The following RNF216 variants were observed in gnomAD, a reference collection of about 807,000 sequenced individuals.
RNF216 encodes the protein E3 ubiquitin-protein ligase RNF216.
Under a neutral mutation model 110.8 loss-of-function variants are expected in RNF216, and 72 were observed. The observed-to-expected ratio is 0.65, with a 90% confidence interval of 0.54 to 0.79. RNF216 has a LOEUF of 0.79. Among genes scored for constraint, RNF216 ranks in the 30% least tolerant of loss-of-function variants. The pLI, the probability that RNF216 is intolerant of heterozygous loss-of-function variation, is 0.00. For synonymous variants in RNF216, 495 were observed against 407.5 expected, an observed-to-expected ratio of 1.21 and a Z score of -2.59; for missense variants, 1,342 against 1,141.2, an observed-to-expected ratio of 1.18 and a Z score of -2.54.
intron 12 of RNF216, 136 bp downstream of exon 12, chr7:5,712,579 G>C: frequency 1.3e-6 from 1 of 794,328 alleles, no homozygotes; most frequent in South Asian, 1.9e-5. Flanking sequence ...TAAAATTATT[G>C]ATAATCTTAT....
intron 15 of RNF216, among the ~76,000 whole-genome samples, chr7:5,626,979 C>T (rs949548862): frequency 6.6e-6 from 1 of 152,154 alleles, no homozygotes; most frequent in African/African-American, 2.4e-5. Flanking sequence ...TCACTCTGGT[C>T]CGTTACTAAT....
intron 8 of RNF216, among the ~76,000 whole-genome samples, chr7:5,722,489 C>G (rs974462419): frequency 1.3e-5 from 2 of 151,284 alleles, no homozygotes; most frequent in African/African-American, 4.9e-5. Context: ...CCCCGGGGTT[C>G]ACGCCATTCT....
intron 15 of RNF216, among the ~76,000 whole-genome samples, chr7:5,631,144 C>A (rs1302097940): frequency 6.6e-6 from 1 of 152,172 alleles, no homozygotes; most frequent in Non-Finnish European, 1.5e-5. Context: ...AAACAAAACA[C>A]TTCTACTCAA....
chr7:5,748,617 C>T (rs1283913939), intron 3 of RNF216, among the ~76,000 whole-genome samples: 3 of 58,486 alleles, frequency 5.1e-5, no homozygotes, highest in South Asian at 5.6e-4. Flanking sequence ...TACATACACA[C>T]ACACACACAC....
chr7:5,649,525 C>T (rs984607652), intron 14 of RNF216: 3 of 149,208 alleles, frequency 2.0e-5, no homozygotes, highest in South Asian at 2.1e-4. Context: ...AGAAAAAAAA[C>T]GTTTTGACAT....
chr7:5,770,726 T>C (rs572129991), intron 1 of RNF216, among the ~76,000 whole-genome samples: 1 of 151,786 alleles, frequency 6.6e-6, no homozygotes, highest in Non-Finnish European at 1.5e-5. Context: ...TGTATTACTA[T>C]TAAGTTACAC....
At chr7:5,635,885 A>C (rs1017857504) in intron 15 of RNF216, among the ~76,000 whole-genome samples, 2 of 152,254 alleles carry the variant, frequency 1.3e-5, no homozygotes, top group Non-Finnish European at 2.9e-5. Flanking sequence ...GTACCAAATT[A>C]AACTGGCTGT....
At chr7:5,623,465 CT>C (rs34566454) in intron 16 of RNF216, among the ~76,000 whole-genome samples, 6,133 of 141,900 alleles carry the variant, frequency 0.043, 125 homozygotes, top group Middle Eastern at 0.065. Flanking sequence ...GACTCAGTTA[CT>C]TTTTTTTTTT....
chr7:5,721,742 G>C (rs936564565), intron 8 of RNF216, among the ~76,000 whole-genome samples: 1 of 152,196 alleles, frequency 6.6e-6, no homozygotes, highest in African/African-American at 2.4e-5. Context: ...GGGTGCAAAT[G>C]TGCTGTATGA....
In RNF216 at chr7:5,707,739, T is replaced by G. The variant is rs867338076; in HGVS notation, c.2061+4022A>C. Among the ~76,000 whole-genome samples the G allele has an allele frequency of 5.5e-4, 81 of 147,786 alleles. No individual in the cohort carries two copies. The Middle Eastern group carries it at 0.01, about 19-fold the overall frequency. On this transcript the variant is annotated intron_variant, in intron 13 of 16. Coordinates refer to ENST00000389902, the MANE Select transcript of RNF216 (RefSeq NM_207111.4). ...TGTGGTTTTTTTTTTTTTTTTTTTT[T>G]TTGTGACAGAGTCTCACTCTGTCGC...
At chr7:5,628,402 C>G (rs1470665650) in intron 15 of RNF216, among the ~76,000 whole-genome samples, 1 of 152,214 alleles carries the variant, frequency 6.6e-6, no homozygotes, top group Admixed American at 6.5e-5. Context: ...TCAACTGTCT[C>G]CAACTGGCTA....
At chr7:5,627,247 G>C (rs1167497244) in intron 15 of RNF216, among the ~76,000 whole-genome samples, 2 of 152,182 alleles carry the variant, frequency 1.3e-5, no homozygotes, top group Admixed American at 1.3e-4. Context: ...GGTCCTCCTG[G>C]AGGAAATCCA....
chr7:5,719,147 G>A (rs1392365765), intron 9 of RNF216, among the ~76,000 whole-genome samples: 2 of 152,210 alleles, frequency 1.3e-5, no homozygotes, highest in Non-Finnish European at 1.5e-5. Flanking sequence ...TTGGGCGGCT[G>A]AGTTGGGAGG....
At chr7:5,721,642 C>T (rs1386175922) in intron 8 of RNF216, among the ~76,000 whole-genome samples, 1 of 152,196 alleles carries the variant, frequency 6.6e-6, no homozygotes, top group Non-Finnish European at 1.5e-5. Context: ...CCAGTTTACA[C>T]CCTTCCTCCA....
intron 14 of RNF216, 46 bp from the exon 15 acceptor site, chr7:5,641,422 G>A (rs1321118847): frequency 5.4e-6 from 8 of 1,477,892 alleles, no homozygotes; most frequent in Admixed American, 3.7e-5. Flanking sequence ...AAGATGAGGA[G>A]GAAAAAAATA....
At chr7:5,758,714 T>G (rs1490263293) in intron 2 of RNF216, among the ~76,000 whole-genome samples, 1 of 152,188 alleles carries the variant, frequency 6.6e-6, no homozygotes, top group Non-Finnish European at 1.5e-5. Context: ...CAGGAGTATA[T>G]ACGCAATGCA....
intron 15 of RNF216, among the ~76,000 whole-genome samples, chr7:5,628,473 AAAAT>A (rs1336704947): frequency 2.0e-5 from 3 of 151,974 alleles, no homozygotes; most frequent in Admixed American, 6.5e-5. Flanking sequence ...TTTCTTTTTT[AAAAT>A]AAAAAAATTA....
At chr7:5,675,797 C>T (rs1790248884) in intron 13 of RNF216, among the ~76,000 whole-genome samples, 1 of 150,384 alleles carries the variant, frequency 6.6e-6, no homozygotes, top group African/African-American at 2.5e-5. Flanking sequence ...GAAACCTCCG[C>T]CTCCTGGGTT....
rs796074284 is a variant in RNF216, at chr7:5,725,555, C to T, written c.1390-117G>A. On this transcript the variant is annotated intron_variant, in intron 7 of 16. Coordinates refer to ENST00000389902, the MANE Select transcript of RNF216 (RefSeq NM_207111.4). ...TCAGCTGTCTACCCAGCATGGCTAA[C>T]AATTGGTAGTGGCAGCTGGGTGCGG... 108 of 670,192 alleles carry T rather than the reference C, an allele frequency of 1.6e-4. No individual in the cohort carries two copies. In the African/African-American group the frequency reaches 1.9e-3, roughly 12 times the overall value. 41.5% of individuals were successfully genotyped at this position (670,192 alleles called of 1,614,324 possible).
Sources: gnomAD v4.1 joint callset for allele counts (sites outside exome capture counted in the v4.1 genomes callset) on GRCh38, gnomAD v4.1.1 for gene constraint, MANE v1.5 for transcripts, NCBI Gene and HGNC (gene_info 2026-07-23, HGNC 2026-07-21) for gene names.